The following MAPK14 variants were observed in gnomAD, a reference collection of about 807,000 sequenced individuals.
The protein encoded by MAPK14 is mitogen-activated protein kinase 14, also known as CSAID-binding protein.
Under a neutral mutation model 49.6 loss-of-function variants are expected in MAPK14, and 16 were observed. The ratio of observed to expected loss-of-function variants is 0.32; its 90% CI spans 0.22 to 0.49. The LOEUF (loss-of-function observed/expected upper bound fraction) is 0.49. MAPK14 is among the 20% of genes least tolerant of loss of function. The probability of loss-of-function intolerance (pLI) is 0.99; values close to 1 mark genes in which losing one functional copy is unlikely to be tolerated. For synonymous variants in MAPK14, 142 were observed against 158.0 expected (o/e 0.90, Z 0.76); for missense variants, 200 against 441.2 (o/e 0.45, Z 4.90).
intron 9 of MAPK14, chr6:36,097,075 G>A (rs959032834): frequency 6.6e-6 from 1 of 152,236 alleles, no homozygotes; most frequent in African/African-American, 2.4e-5. Context: ...AGCATAAGCA[G>A]GTGAGTTGGA....
At chr6:36,063,748 T>A (rs1763924628) in intron 3 of MAPK14, among the ~76,000 whole-genome samples, 1 of 152,162 alleles carries the variant, frequency 6.6e-6, no homozygotes, top group Admixed American at 6.5e-5. Flanking sequence ...TGAATCTGGA[T>A]GGAGATGATT....
At chr6:36,081,074 A>G (rs1208682233) in intron 8 of MAPK14, among the ~76,000 whole-genome samples, 1 of 152,022 alleles carries the variant, frequency 6.6e-6, no homozygotes, top group Non-Finnish European at 1.5e-5. Context: ...TTAGACCCTT[A>G]TCAGATACAT....
At chr6:36,038,839 A>G (rs149527097) in intron 1 of MAPK14, among the ~76,000 whole-genome samples, 302 of 152,336 alleles carry the variant, frequency 2.0e-3, no homozygotes, top group African/African-American at 6.9e-3. Context: ...AAGGAAGATT[A>G]GTCTGCTGGC....
intron 2 of MAPK14, among the ~76,000 whole-genome samples, chr6:36,056,527 A>ATC (rs1763595563): frequency 6.6e-6 from 1 of 152,242 alleles, no homozygotes. Flanking sequence ...GACCCAAGAA[A>ATC]TCACAAACTG....
At chr6:36,054,090 C>T (rs1763503106) in intron 2 of MAPK14, among the ~76,000 whole-genome samples, 1 of 152,048 alleles carries the variant, frequency 6.6e-6, no homozygotes, top group African/African-American at 2.4e-5. Flanking sequence ...AAGCTGGCAG[C>T]AGAAACTTTA....
intron 1 of MAPK14, among the ~76,000 whole-genome samples, chr6:36,032,020 A>G (rs536655877): frequency 1.7e-4 from 26 of 151,936 alleles, no homozygotes; most frequent in Middle Eastern, 6.8e-3. Flanking sequence ...GGCCTCAAGC[A>G]GTTCCCCCAC....
chr6:36,064,328 A>G (rs1279097949), intron 3 of MAPK14, among the ~76,000 whole-genome samples: 1 of 141,506 alleles, frequency 7.1e-6, no homozygotes, highest in African/African-American at 2.6e-5. Context: ...ATAGTAGACA[A>G]GAATTTTTTG....
intron 8 of MAPK14, among the ~76,000 whole-genome samples, chr6:36,090,508 A>G (rs1581828573): frequency 1.3e-5 from 2 of 150,354 alleles, no homozygotes; most frequent in South Asian, 4.2e-4. Context: ...GCACCCTGCC[A>G]AATATTCTCC....
At chr6:36,083,624 C>T (rs1764854815) in intron 8 of MAPK14, among the ~76,000 whole-genome samples, 1 of 152,208 alleles carries the variant, frequency 6.6e-6, no homozygotes, top group Non-Finnish European at 1.5e-5. Flanking sequence ...AACTCTGACT[C>T]ATCCCCCTAC....
chr6:36,102,780 G>A (rs1296793121), intron 10 of MAPK14, 131 bp downstream of exon 10: 6 of 1,495,646 alleles, frequency 4.0e-6, no homozygotes, highest in Admixed American at 4.7e-5. Flanking sequence ...TGATAAATAC[G>A]GCTTTTATTA....
chr6:36,069,583 C>T (rs1168945562), intron 3 of MAPK14, among the ~76,000 whole-genome samples: 6 of 152,156 alleles, frequency 3.9e-5, no homozygotes, highest in African/African-American at 1.4e-4. Context: ...TATAAACTTA[C>T]ATAATGTTTT....
At chr6:36,079,356 A>G (rs1764654523) in intron 8 of MAPK14, among the ~76,000 whole-genome samples, 2 of 152,186 alleles carry the variant, frequency 1.3e-5, no homozygotes, top group South Asian at 4.1e-4. Flanking sequence ...CCTGAAAGAC[A>G]TGCACCTGTC....
At chr6:36,060,794 T>G (rs1763789621) in intron 3 of MAPK14, among the ~76,000 whole-genome samples, 1 of 152,180 alleles carries the variant, frequency 6.6e-6, no homozygotes, top group African/African-American at 2.4e-5. Flanking sequence ...TCTCCACCAT[T>G]TGAATTTAGT....
chr6:36,063,492 AGGTGAGAGG>A (rs1763912298), intron 3 of MAPK14, among the ~76,000 whole-genome samples: 2 of 152,164 alleles, frequency 1.3e-5, no homozygotes, highest in Non-Finnish European at 2.9e-5. Context: ...GGGGAGTCTA[AGGTGAGAGG>A]ATCATTTGAG....
At chr6:36,072,005 A>T (rs537138784) in intron 3 of MAPK14, among the ~76,000 whole-genome samples, 3 of 152,104 alleles carry the variant, frequency 2.0e-5, no homozygotes, top group Admixed American at 6.5e-5. Flanking sequence ...TTTTCTTGAG[A>T]TAACCTGGAA....
chr6:36,119,946 C>T, the MAPK14 span, among the ~76,000 whole-genome samples: 109 of 152,132 alleles, frequency 7.2e-4, no homozygotes, highest in African/African-American at 2.3e-3. Flanking sequence ...TAAAAGCAGA[C>T]GAGAATAATA....
Position 36,110,568 on chromosome 6 carries a change from G to A in MAPK14, c.*2121G>A, listed in dbSNP as rs1289257966. ...CTCTGGAAGCCTGGACTCTAAGCTG[G>A]AGCTCTTGGAAGAGCTCTTCGGTTT... On this transcript the variant is annotated 3_prime_UTR_variant, in exon 12 of 12. Coordinates refer to ENST00000229794, the MANE Select transcript of MAPK14 (RefSeq NM_139012.3). 1 of 152,668 alleles carries A rather than the reference G, an allele frequency of 6.6e-6. No homozygotes were observed. The highest frequency in any genetic ancestry group is 1.5e-5 in the Non-Finnish European group (1 of 68,040). 9.5% of individuals were successfully genotyped at this position (152,668 alleles called of 1,614,324 possible).
At chr6:36,091,153 T>C (rs1765212022) in intron 8 of MAPK14, among the ~76,000 whole-genome samples, 1 of 152,208 alleles carries the variant, frequency 6.6e-6, no homozygotes, top group Admixed American at 6.5e-5. Flanking sequence ...TTCTGGCCTG[T>C]GGAGGTTTTT....
chr6:36,097,901 A>C (rs1297007966), intron 9 of MAPK14: 3 of 139,974 alleles, frequency 2.1e-5, no homozygotes, highest in Admixed American at 7.5e-5. Context: ...GAGTATAAGA[A>C]TAAGAAAGGT....
Sources: allele counts gnomAD v4.1 joint callset (sites outside exome capture counted in the v4.1 genomes callset), GRCh38; gene constraint gnomAD v4.1.1; transcripts MANE v1.5; gene names NCBI Gene and HGNC (gene_info 2026-07-23, HGNC 2026-07-21).